The following GOT1 variants were observed in gnomAD, a reference collection of about 807,000 sequenced individuals.
The protein encoded by GOT1 is aspartate aminotransferase, cytoplasmic.
GOT1 carries 25 observed loss-of-function variants against 48.2 expected under a neutral mutation model. That is an observed-to-expected ratio of 0.52 (90% CI 0.38 to 0.72). The LOEUF (loss-of-function observed/expected upper bound fraction) is 0.72, where lower values mean the gene tolerates loss of function less well. Ranked by LOEUF, GOT1 falls within the 30% of genes least tolerant of loss-of-function variation. The probability of loss-of-function intolerance (pLI) is 0.00; values close to 1 mark genes in which losing one functional copy is unlikely to be tolerated. For missense variants in GOT1, 380 were observed against 520.1 expected (o/e 0.73, Z 2.62); for synonymous variants, 188 against 193.8 (o/e 0.97, Z 0.25).
intron 1 of GOT1, among the ~76,000 whole-genome samples, chr10:99,423,643 C>A (rs1344940132): frequency 2.0e-5 from 3 of 152,052 alleles, no homozygotes; most frequent in African/African-American, 7.2e-5. Context: ...GTGAATCTAA[C>A]TCACAATATT....
chr10:99,424,139 T>C (rs1429696200), intron 1 of GOT1, among the ~76,000 whole-genome samples: 1 of 152,220 alleles, frequency 6.6e-6, no homozygotes, highest in Non-Finnish European at 1.5e-5. Flanking sequence ...ATCACAACGT[T>C]ACCATTGTTC....
At chr10:99,399,330 C>T (rs2032641564) in intron 8 of GOT1, among the ~76,000 whole-genome samples, 1 of 152,194 alleles carries the variant, frequency 6.6e-6, no homozygotes, top group South Asian at 2.1e-4. Flanking sequence ...CCTTTGCTAA[C>T]CAGGCCTTCT....
intron 1 of GOT1, 121 bp from the exon 2 acceptor site, chr10:99,420,926 T>C (rs1352293016): frequency 7.2e-6 from 6 of 830,128 alleles, no homozygotes; most frequent in African/African-American, 1.7e-5. Flanking sequence ...GTGAAGGAAA[T>C]TGGAGAAAAG....
chr10:99,404,007 C>T, intron 5 of GOT1, 133 bp from the exon 6 acceptor site: 1 of 739,332 alleles, frequency 1.4e-6, no homozygotes, highest in Non-Finnish European at 2.3e-6. Context: ...TGACTATATG[C>T]ACCCAAGCTC....
chr10:99,402,813 A>G, intron 7 of GOT1, 91 bp from the exon 8 acceptor site: 1 of 1,069,386 alleles, frequency 9.4e-7, no homozygotes, highest in South Asian at 1.4e-5. Context: ...TTTAAACGAC[A>G]GCTGACAATG....
intron 5 of GOT1, among the ~76,000 whole-genome samples, chr10:99,405,147 G>A (rs918933796): frequency 6.6e-6 from 1 of 152,118 alleles, no homozygotes; most frequent in Non-Finnish European, 1.5e-5. Context: ...ATTCAATAGT[G>A]TATTCCCACA....
At chr10:99,398,264 T>C (rs962130969) in intron 8 of GOT1, among the ~76,000 whole-genome samples, 2 of 152,224 alleles carry the variant, frequency 1.3e-5, no homozygotes, top group Admixed American at 6.5e-5. Flanking sequence ...TGCAGTAGTT[T>C]TTCCATGTTT....
intron 1 of GOT1, among the ~76,000 whole-genome samples, chr10:99,421,439 CTCTG>C: frequency 6.6e-6 from 1 of 152,242 alleles, no homozygotes; most frequent in Non-Finnish European, 1.5e-5. Context: ...TCTATCCTCT[CTCTG>C]TATTTTGACC....
At chr10:99,399,101 G>T (rs1399814739) in intron 8 of GOT1, among the ~76,000 whole-genome samples, 1 of 152,190 alleles carries the variant, frequency 6.6e-6, no homozygotes, top group Non-Finnish European at 1.5e-5. Flanking sequence ...CCTACATACA[G>T]AAGTAGCCCT....
rs2032952739 is a variant in GOT1, at chr10:99,420,553, A to G, written c.300+71T>C. On this transcript the variant is annotated intron_variant, in intron 2 of 8. Coordinates refer to ENST00000370508, the MANE Select transcript of GOT1 (RefSeq NM_002079.3). ...ATAGACATAACGCCTAATATTTTAA[A>G]CAAACTGTATTCTCAACATCTTTTT... The G allele has an allele frequency of 5.0e-6, 6 of 1,196,986 alleles. 1 individual carries two copies. Among genetic ancestry groups the G allele is most frequent in the Non-Finnish European group, 7.1e-6 (6 of 841,146 alleles). 74.1% of individuals were successfully genotyped at this position (1,196,986 alleles called of 1,614,324 possible).
chr10:99,425,161 T>C (rs2033022286), intron 1 of GOT1, among the ~76,000 whole-genome samples: 2 of 152,064 alleles, frequency 1.3e-5, no homozygotes, highest in African/African-American at 4.8e-5. Flanking sequence ...GAATGAAAGA[T>C]GAATAAGAGT....
In GOT1 at chr10:99,430,593, C is replaced by T; in HGVS notation, c.-28G>A. The T allele has an allele frequency of 4.5e-6, 7 of 1,542,784 alleles. No homozygotes were observed. Among genetic ancestry groups the T allele is most frequent in the Non-Finnish European group, 6.2e-6 (7 of 1,134,372 alleles). On this transcript the variant is annotated 5_prime_UTR_variant, in exon 1 of 9. Transcript: ENST00000370508. ...CGAGAGACTAGGAATCAAGAGATTT[C>T]ACCCCACGCCCGGAGCTGGCAGGTC... is the stretch of plus-strand genomic sequence containing the variant.
At chr10:99,430,218 A>G in intron 1 of GOT1, 2 of 1,245,938 alleles carry the variant, frequency 1.6e-6, no homozygotes, top group Non-Finnish European at 2.2e-6. Context: ...CTTGGCTGCT[A>G]CACCTGGTTT....
At chr10:99,400,352 T>C (rs1192518070) in intron 8 of GOT1, among the ~76,000 whole-genome samples, 1 of 152,220 alleles carries the variant, frequency 6.6e-6, no homozygotes, top group Non-Finnish European at 1.5e-5. Flanking sequence ...TCTGTATGTT[T>C]AAAACTTTTC....
intron 2 of GOT1, among the ~76,000 whole-genome samples, chr10:99,413,222 A>G (rs1018557264): frequency 6.6e-6 from 1 of 152,218 alleles, no homozygotes; most frequent in African/African-American, 2.4e-5. Context: ...TAACTAGAAT[A>G]ACCAATGCAG....
intron 2 of GOT1, among the ~76,000 whole-genome samples, chr10:99,409,533 G>A (rs923906937): frequency 6.6e-6 from 1 of 152,170 alleles, no homozygotes; most frequent in Non-Finnish European, 1.5e-5. Flanking sequence ...AGGGAAAAAA[G>A]TAGAATGAGA....
At chr10:99,403,436 A>AC (rs764420981) in intron 7 of GOT1, 33 bp downstream of exon 7, 2 of 1,571,816 alleles carry the variant, frequency 1.3e-6, no homozygotes, top group South Asian at 2.3e-5. Flanking sequence ...TGCACTCCCC[A>AC]CCCCCCGGCC....
At chr10:99,428,318 A>T (rs1346053895) in intron 1 of GOT1, among the ~76,000 whole-genome samples, 1 of 152,142 alleles carries the variant, frequency 6.6e-6, no homozygotes, top group African/African-American at 2.4e-5. Flanking sequence ...TCAAAGGTAA[A>T]TTGAATTAAT....
chr10:99,401,643 G>A (rs2032680318), intron 8 of GOT1, among the ~76,000 whole-genome samples: 1 of 149,938 alleles, frequency 6.7e-6, no homozygotes, highest in Admixed American at 6.8e-5. Flanking sequence ...CTCCAGCCTG[G>A]GCAACAGAGC....
Sources: allele counts gnomAD v4.1 joint callset (sites outside exome capture counted in the v4.1 genomes callset), GRCh38; gene constraint gnomAD v4.1.1; transcripts MANE v1.5; gene names NCBI Gene and HGNC (gene_info 2026-07-23, HGNC 2026-07-21).